KIF16B: variants seen among roughly 807,000 people sequenced by gnomAD.
KIF16B encodes the protein kinesin family member 16B.
KIF16B carries 98 observed loss-of-function variants against 156.3 expected under a neutral mutation model. That is an observed-to-expected ratio of 0.63 (90% CI 0.53 to 0.74). The LOEUF is 0.74. KIF16B is among the 30% of genes least tolerant of loss of function. KIF16B has a pLI of 0.00. For synonymous variants in KIF16B, 564 were observed against 583.7 expected, an observed-to-expected ratio of 0.97 and a Z score of 0.49; for missense variants, 1,421 against 1,606.5, an observed-to-expected ratio of 0.88 and a Z score of 1.97.
At chr20:16,313,505 C>T (rs2063652168) in intron 24 of KIF16B, among the ~76,000 whole-genome samples, 1 of 152,186 alleles carries the variant, frequency 6.6e-6, no homozygotes, top group East Asian at 1.9e-4. Flanking sequence ...AAAATCTGCA[C>T]ACACTGTGTA....
intron 1 of KIF16B, among the ~76,000 whole-genome samples, chr20:16,559,956 G>A (rs879809730): frequency 1.3e-5 from 2 of 151,970 alleles, no homozygotes; most frequent in Non-Finnish European, 2.9e-5. Context: ...TTACTTTCCG[G>A]TTTTGATAAT....
chr20:16,500,997 T>C (rs996563806), intron 10 of KIF16B, among the ~76,000 whole-genome samples: 6 of 152,138 alleles, frequency 3.9e-5, no homozygotes, highest in Non-Finnish European at 8.8e-5. Context: ...ATTTTCTCTC[T>C]GCCAAATTAA....
chr20:16,430,728 CT>C (rs1233395371), intron 12 of KIF16B, among the ~76,000 whole-genome samples: 1 of 151,994 alleles, frequency 6.6e-6, no homozygotes, highest in Non-Finnish European at 1.5e-5. Flanking sequence ...CCTTCTGTCT[CT>C]TGACTTGACC....
intron 1 of KIF16B, among the ~76,000 whole-genome samples, chr20:16,534,546 T>C (rs936102187): frequency 1.3e-5 from 2 of 152,240 alleles, no homozygotes; most frequent in African/African-American, 4.8e-5. Flanking sequence ...TTTGGTTTTG[T>C]TGTCTGTGCT....
At chr20:16,492,153 G>A (rs946054009) in intron 12 of KIF16B, among the ~76,000 whole-genome samples, 4 of 152,158 alleles carry the variant, frequency 2.6e-5, no homozygotes, top group Admixed American at 1.3e-4. Context: ...GGTTTTATGC[G>A]CATTACTGGA....
intron 1 of KIF16B, among the ~76,000 whole-genome samples, chr20:16,531,843 T>A (rs2069761695): frequency 6.6e-6 from 1 of 152,028 alleles, no homozygotes; most frequent in Non-Finnish European, 1.5e-5. Context: ...CCGAGGCAAG[T>A]GGATCATCTG....
intron 23 of KIF16B, among the ~76,000 whole-genome samples, chr20:16,339,477 C>T (rs907812840): frequency 1.3e-5 from 2 of 152,098 alleles, no homozygotes; most frequent in Non-Finnish European, 2.9e-5. Flanking sequence ...TCCCATCTCA[C>T]GGCATAAATT....
intron 15 of KIF16B, among the ~76,000 whole-genome samples, chr20:16,410,074 CATAT>C (rs145456992): frequency 5.5e-5 from 3 of 54,784 alleles, no homozygotes; most frequent in African/African-American, 2.0e-4. Context: ...TATGTAGGTA[CATAT>C]ATATATATGT....
At chr20:16,381,548 C>A in intron 18 of KIF16B, 146 bp downstream of exon 18, 2 of 422,258 alleles carry the variant, frequency 4.7e-6, no homozygotes, top group Non-Finnish European at 4.0e-6. Flanking sequence ...AAAAAAAGAC[C>A]TGCAGTCATT....
intron 22 of KIF16B, chr20:16,367,772 C>T (rs749324728): frequency 6.2e-6 from 10 of 1,612,488 alleles, no homozygotes; most frequent in East Asian, 4.5e-5. Context: ...GGATGATTAG[C>T]GCAGGCAGCG....
At chr20:16,420,417 G>C (rs2066197209) in intron 15 of KIF16B, among the ~76,000 whole-genome samples, 2 of 152,134 alleles carry the variant, frequency 1.3e-5, no homozygotes, top group Admixed American at 6.6e-5. Flanking sequence ...ATTACTACCA[G>C]TGTTTTTTAA....
intron 1 of KIF16B, among the ~76,000 whole-genome samples, chr20:16,572,808 G>T (rs1177767095): frequency 1.3e-5 from 2 of 152,184 alleles, no homozygotes; most frequent in African/African-American, 4.8e-5. Context: ...CTAACTGAAA[G>T]ATTAAAAAGT....
At chr20:16,339,613 C>T (rs920326049) in intron 23 of KIF16B, among the ~76,000 whole-genome samples, 4 of 152,174 alleles carry the variant, frequency 2.6e-5, no homozygotes, top group African/African-American at 7.2e-5. Context: ...ATCATGGCTG[C>T]ACTTACCAAA....
At chr20:16,381,662 G>A (rs1208768721) in intron 18 of KIF16B, 32 bp downstream of exon 18, 2 of 1,556,774 alleles carry the variant, frequency 1.3e-6, no homozygotes, top group Admixed American at 3.4e-5. Context: ...CAGACTACAG[G>A]AGTGTTGAAA....
At chr20:16,406,190 T>C (rs2065778607) in intron 16 of KIF16B, among the ~76,000 whole-genome samples, 184 bp downstream of exon 16, 1 of 152,128 alleles carries the variant, frequency 6.6e-6, no homozygotes, top group Non-Finnish European at 1.5e-5. Flanking sequence ...ACTTGCTTGC[T>C]CTCTTACTTC....
chr20:16,432,167 T>C (rs2066520452), intron 12 of KIF16B, among the ~76,000 whole-genome samples: 2 of 152,076 alleles, frequency 1.3e-5, no homozygotes, highest in Admixed American at 6.6e-5. Flanking sequence ...GTCAAGCTTC[T>C]GGGGAAGTCT....
intron 3 of KIF16B, among the ~76,000 whole-genome samples, chr20:16,517,130 G>A (rs1479044213): frequency 6.6e-6 from 1 of 152,178 alleles, no homozygotes; most frequent in African/African-American, 2.4e-5. Context: ...AACACAGCCT[G>A]TCATCCAAGG....
chr20:16,479,035 A>C (rs2067900779), intron 12 of KIF16B, among the ~76,000 whole-genome samples: 1 of 152,232 alleles, frequency 6.6e-6, no homozygotes, highest in Admixed American at 6.5e-5. Context: ...CTAACAGCCC[A>C]AAACAGAAAA....
At chr20:16,389,558 T>C (rs1163929357) in intron 17 of KIF16B, among the ~76,000 whole-genome samples, 2 of 152,168 alleles carry the variant, frequency 1.3e-5, no homozygotes. Context: ...GATTGACCTT[T>C]TCACCACACT....
Sources: gnomAD v4.1 joint callset for allele counts (sites outside exome capture counted in the v4.1 genomes callset) on GRCh38, gnomAD v4.1.1 for gene constraint, MANE v1.5 for transcripts, NCBI Gene and HGNC (gene_info 2026-07-23, HGNC 2026-07-21) for gene names.